Variants in IGSF10 observed in about 807,000 individuals in gnomAD.
The protein encoded by IGSF10 is immunoglobulin superfamily member 10, also known as calvaria mechanical force protein 608.
IGSF10 carries 126 observed loss-of-function variants against 128.2 expected under a neutral mutation model. That is an observed-to-expected ratio of 0.98 (90% confidence interval 0.85 to 1.14). The LOEUF is 1.14. Among genes scored for constraint, IGSF10 ranks in the 50% most tolerant of loss-of-function variants. IGSF10 has a pLI of 0.00. For missense variants in IGSF10, 3,295 were observed against 3,149.8 expected (o/e 1.05, Z -1.10); for synonymous variants, 1,185 against 1,146.2 (o/e 1.03, Z -0.68).
In IGSF10 at chr3:151,443,008, T is replaced by A. The variant is rs769666598; in HGVS notation, c.5939A>T (p.Lys1980Met). Reference protein sequence around the residue: ...KPQIMWRLPSKAVVDQQHRVG... With the variant: ...KPQIMWRLPSMAVVDQQHRVG... The stretch of plus-strand genomic sequence containing the variant: ...CCTATGCTGCTGGTCGACCACAGCC[T>A]TGGATGGTAACCTCCACATTATTTG... Residue 1980 changes from lysine (K) to methionine (M), a missense_variant, in exon 7 of 8, where the codon AAG becomes ATG. By Grantham distance (95) the Lys-to-Met change is moderately conservative. Transcript: ENST00000282466. The A allele has an allele frequency of 6.2e-7, 1 of 1,614,148 alleles. No individual in the cohort carries two copies. Among genetic ancestry groups the A allele is most frequent in the South Asian group, 1.1e-5 (1 of 91,068 alleles).
chr3:151,466,950 T>C, the IGSF10 span, among the ~76,000 whole-genome samples: 1 of 151,582 alleles, frequency 6.6e-6, no homozygotes, highest in Non-Finnish European at 1.5e-5. Context: ...ATGAGGAAGT[T>C]ATAATTTGGA....
chr3:151,547,129 T>C, the IGSF10 span, among the ~76,000 whole-genome samples: 1,096 of 152,240 alleles, frequency 7.2e-3, 13 homozygotes, highest in African/African-American at 0.025. Flanking sequence ...GATTTTTCAG[T>C]TTTAGACATT....
the IGSF10 span, among the ~76,000 whole-genome samples, chr3:151,486,287 G>A: frequency 6.6e-6 from 1 of 152,126 alleles, no homozygotes; most frequent in Non-Finnish European, 1.5e-5. Context: ...ACATATATAT[G>A]CACCCAATAC....
the IGSF10 span, among the ~76,000 whole-genome samples, chr3:151,578,078 C>T: frequency 6.6e-6 from 1 of 152,076 alleles, no homozygotes; most frequent in Non-Finnish European, 1.5e-5. Context: ...AACATTCTAA[C>T]ATGATAGAGG....
At chr3:151,524,387 A>T in the IGSF10 span, among the ~76,000 whole-genome samples, 3 of 152,166 alleles carry the variant, frequency 2.0e-5, no homozygotes, top group African/African-American at 4.8e-5. Flanking sequence ...CTAAATGTCC[A>T]TCAATGACAG....
chr3:151,560,612 G>T, the IGSF10 span, among the ~76,000 whole-genome samples: 1 of 152,084 alleles, frequency 6.6e-6, no homozygotes, highest in African/African-American at 2.4e-5. Flanking sequence ...TGTAAGTTAT[G>T]ATGTTAATTT....
chr3:151,437,574 T>G lies in IGSF10; in HGVS notation c.6987A>C (p.Glu2329Asp), dbSNP rs1720457528. The change falls in exon 8 of 8, where the codon GAA becomes GAC. Residue 2329 changes from glutamate to aspartate, a missense_variant. Transcript: ENST00000282466. ...GGESVLVVQLEVLEMLRRPTF... is the reference protein window; with the variant it reads ...GGESVLVVQLDVLEMLRRPTF... ...TCGGTCTTCTCAGCATTTCCAGTAC[T>G]TCTAACTGTACTACCAACACGCTCT... 2 of 1,614,190 alleles carry G rather than the reference T, an allele frequency of 1.2e-6. No homozygotes were observed. Among genetic ancestry groups the G allele is most frequent in the South Asian group, 1.1e-5 (1 of 91,090 alleles).
chr3:151,432,790 C>T (rs1358384580), downstream of IGSF10: 2 of 1,613,150 alleles, frequency 1.2e-6, no homozygotes, highest in Non-Finnish European at 1.7e-6. Flanking sequence ...GTATGGGCAT[C>T]CTTCACACTT....
the IGSF10 span, among the ~76,000 whole-genome samples, chr3:151,613,940 A>C: frequency 3.3e-5 from 5 of 152,234 alleles, no homozygotes; most frequent in Non-Finnish European, 5.9e-5. Context: ...ACAAAGGGCT[A>C]ATATCCAGAA....
rs555444648 is a variant in IGSF10, at chr3:151,438,058, T to G, written c.6503A>C (p.Asp2168Ala). 9.3e-6 allele frequency: 15 copies of G among 1,614,204 alleles called. No individual in the cohort carries two copies. In the South Asian group the frequency reaches 1.6e-4, roughly 18 times the overall value. Residue 2168 changes from aspartate (D) to alanine (A), a missense_variant, in exon 8 of 8, where the codon GAT (aspartate) becomes GCT (alanine). Physicochemically the swap from Asp to Ala is moderately radical, Grantham distance 126. Transcript: ENST00000282466. ...TAVLDCEVTG[D>A]PKPKIFWLLP... ...CAACCAAAATATTTTTGGTTTGGGA[T>G]CCCCAGTGACCTCACAGTCAAGGAC...
the IGSF10 span, among the ~76,000 whole-genome samples, chr3:151,599,899 T>C: frequency 2.0e-5 from 3 of 152,164 alleles, no homozygotes; most frequent in Non-Finnish European, 4.4e-5. Flanking sequence ...CATGGGAAAG[T>C]TGGAAACAGA....
upstream of IGSF10, chr3:151,461,601 C>A (rs544660519): frequency 9.7e-6 from 2 of 206,238 alleles, no homozygotes; most frequent in African/African-American, 2.4e-5. Context: ...TTTTGTGACA[C>A]GAGCAGCTAA....
Position 151,448,870 on chromosome 3 carries a change from T to G in IGSF10, c.1111A>C (p.Ile371Leu), listed in dbSNP as rs1721367951. Residue 371 changes from isoleucine (I) to leucine (L), a missense_variant, in exon 6 of 8, where the codon ATT (isoleucine) becomes CTT (leucine). By Grantham distance (5) the Ile-to-Leu change is conservative. Coordinates refer to ENST00000282466, the MANE Select transcript of IGSF10 (RefSeq NM_178822.5). ...GCCAAAATTTGCCACACTGGCTGAA[T>G]GTGACCGTAATCTATGTTGCACACC... ...FLVCNIDYGH[I>L]QPVWQILALY... The G allele has an allele frequency of 6.2e-7, 1 of 1,614,216 alleles. No individual in the cohort carries two copies. The highest frequency in any genetic ancestry group is 8.5e-7 in the Non-Finnish European group (1 of 1,180,022).
At chr3:151,593,578 T>A in the IGSF10 span, among the ~76,000 whole-genome samples, 1 of 151,780 alleles carries the variant, frequency 6.6e-6, no homozygotes, top group African/African-American at 2.4e-5. Context: ...AAATGAAAAG[T>A]CATCAGAAAA....
intron 6 of IGSF10, among the ~76,000 whole-genome samples, chr3:151,444,532 A>G (rs537334631): frequency 3.9e-5 from 6 of 151,900 alleles, no homozygotes; most frequent in African/African-American, 1.4e-4. Flanking sequence ...CTGATCCTGA[A>G]CTCCTGACCT....
the IGSF10 span, among the ~76,000 whole-genome samples, chr3:151,503,177 T>G: frequency 1.6e-4 from 24 of 152,112 alleles, no homozygotes; most frequent in Admixed American, 1.2e-3. Flanking sequence ...TACTTTTATC[T>G]TAGGCCCTAA....
At chr3:151,485,561 G>T in the IGSF10 span, among the ~76,000 whole-genome samples, 1 of 152,172 alleles carries the variant, frequency 6.6e-6, no homozygotes, top group Non-Finnish European at 1.5e-5. Context: ...GAAAGATTGG[G>T]TTATGCACAA....
rs769182498 is a variant in IGSF10, at chr3:151,445,855, G to T, written c.4126C>A (p.Pro1376Thr). ...GTTTCGGCTGTGGTTAGAACAGGAGGTGTCATAGCAGTGGGTGTAGTGAAG... is the reference window on the plus strand; with the variant it reads ...GTTTCGGCTGTGGTTAGAACAGGAGTTGTCATAGCAGTGGGTGTAGTGAAG... ...SGFTTPTAMT[P>T]PVLTTAETSV... Residue 1376 changes from proline (P) to threonine (T), a missense_variant, in exon 6 of 8, where the codon CCT becomes ACT. Physicochemically the swap from Pro to Thr is conservative, Grantham distance 38. Coordinates refer to ENST00000282466, the MANE Select transcript of IGSF10 (RefSeq NM_178822.5). The T allele has an allele frequency of 6.2e-7, 1 of 1,614,080 alleles. No individual in the cohort carries two copies. The highest frequency in any genetic ancestry group is 2.2e-5 in the East Asian group (1 of 44,892).
chr3:151,551,662 TACACACAC>T, the IGSF10 span, among the ~76,000 whole-genome samples: 11,301 of 145,436 alleles, frequency 0.078, 528 homozygotes, highest in Non-Finnish European at 0.12. Context: ...ACATGGGCAT[TACACACAC>T]ACACACACAC....
Sources: allele counts gnomAD v4.1 joint callset (sites outside exome capture counted in the v4.1 genomes callset), GRCh38; gene constraint gnomAD v4.1.1; transcripts MANE v1.5; gene names NCBI Gene and HGNC (gene_info 2026-07-23, HGNC 2026-07-21).